Variants in TG observed in about 807,000 individuals in gnomAD.
The protein encoded by TG is thyroid hormones.
TG carries 270 observed loss-of-function variants against 324.7 expected under a neutral mutation model. The observed-to-expected ratio is 0.83, with a 90% confidence interval of 0.75 to 0.92. TG has a LOEUF of 0.92. Among genes scored for constraint, TG ranks in the 40% least tolerant of loss-of-function variants. The pLI, the probability that TG is intolerant of heterozygous loss-of-function variation, is 0.00. For missense variants in TG, 3,591 were observed against 3,456.4 expected, an observed-to-expected ratio of 1.04 and a Z score of -0.98; for synonymous variants, 1,401 against 1,327.0, an observed-to-expected ratio of 1.06 and a Z score of -1.21.
At chr8:132,990,078 C>T (rs754669615) in intron 35 of TG, among the ~76,000 whole-genome samples, 6 of 151,722 alleles carry the variant, frequency 4.0e-5, no homozygotes, top group Admixed American at 6.6e-5. Flanking sequence ...AAGTCCAAAC[C>T]GCTTTACAGA....
At chr8:133,091,851 CTGTG>C (rs2131609929) in intron 41 of TG, among the ~76,000 whole-genome samples, 1 of 151,836 alleles carries the variant, frequency 6.6e-6, no homozygotes, top group African/African-American at 2.4e-5. Context: ...CCATGAGTGT[CTGTG>C]TGTGTAAGTG....
chr8:133,126,896 G>T (rs1270629660), intron 45 of TG, among the ~76,000 whole-genome samples: 1 of 152,166 alleles, frequency 6.6e-6, no homozygotes, highest in Non-Finnish European at 1.5e-5. Flanking sequence ...TATGGAGAAA[G>T]ATGCTGGCTG....
At chr8:133,091,659 T>G (rs1847554282) in intron 41 of TG, among the ~76,000 whole-genome samples, 1 of 152,016 alleles carries the variant, frequency 6.6e-6, no homozygotes, top group African/African-American at 2.4e-5. Flanking sequence ...TATGTGTCTA[T>G]GACTGTGCGT....
Position 132,966,460 on chromosome 8 carries a change from C to CTG in TG, c.5549-99_5549-98insGT, listed in dbSNP as rs1403956194. On this transcript the variant is annotated intron_variant, in intron 29 of 47. Transcript: ENST00000220616. ...TCTCTGACACTTTCTCTCTCTGTCT[C>CTG]TCTCTCTGTGTGTGTGTGTGTGTGT... The CTG allele has an allele frequency of 1.7e-5, 19 of 1,117,934 alleles. No individual in the cohort carries two copies. In the Admixed American group the frequency reaches 3.4e-4, roughly 20 times the overall value. The allele number at this position is 1,117,934 out of a possible 1,614,324, so 69.3% of individuals were successfully genotyped here. A position where few individuals can be genotyped will look rare whatever the true frequency, so the allele number is the denominator to read the frequency against.
In TG at chr8:132,873,146, AG is replaced by A; in HGVS notation, c.564del (p.Glu188AspfsTer15). 6.2e-7 allele frequency: 1 copy of A among 1,614,004 alleles called. No individual in the cohort carries two copies. The highest frequency in any genetic ancestry group is 8.5e-7 in the Non-Finnish European group (1 of 1,180,016). On this transcript the variant is annotated frameshift_variant, in exon 5 of 48. Transcript: ENST00000220616. LOFTEE classifies it high-confidence loss of function. ...KSPPQCSAEG[E>X]FMPVQCKFVN... ...CCACCCCAGTGTTCTGCGGAGGGAG[AG>A]TTTATGCCTGTCCAGTGCAAATTTG...
At chr8:133,075,441 G>A (rs1036199132) in intron 41 of TG, among the ~76,000 whole-genome samples, 16 of 152,212 alleles carry the variant, frequency 1.1e-4, no homozygotes, top group Non-Finnish European at 2.9e-5. Context: ...TGGTGCCAAT[G>A]TGTGCGTCAA....
chr8:133,053,300 A>AC (rs1340363874), intron 41 of TG, among the ~76,000 whole-genome samples: 1 of 151,414 alleles, frequency 6.6e-6, no homozygotes, highest in African/African-American at 2.4e-5. Flanking sequence ...ATCTGTCCCC[A>AC]CCCCCGGCTG....
chr8:132,985,787 C>G (rs1831447343), intron 35 of TG, among the ~76,000 whole-genome samples: 1 of 152,158 alleles, frequency 6.6e-6, no homozygotes. Context: ...TTGTTCCTCT[C>G]TGCCAAGTCA....
At chr8:133,036,777 A>G (rs777828708) in intron 41 of TG, 4 of 152,662 alleles carry the variant, frequency 2.6e-5, no homozygotes, top group African/African-American at 7.2e-5. Flanking sequence ...GAATAAATAC[A>G]TGATTTAGCA....
chr8:133,134,118 A>G (rs565275252), intron 47 of TG, among the ~76,000 whole-genome samples: 1 of 152,340 alleles, frequency 6.6e-6, no homozygotes, highest in African/African-American at 2.4e-5. Context: ...AAAAGAAATT[A>G]TAATGAAGGC....
intron 5 of TG, among the ~76,000 whole-genome samples, chr8:132,877,123 C>A (rs1490787267): frequency 1.3e-5 from 2 of 151,936 alleles, no homozygotes; most frequent in African/African-American, 4.8e-5. Flanking sequence ...TAGGCTACGG[C>A]CCCCTCTTAT....
chr8:132,984,908 C>CAGCCTGG (rs1831327476), intron 35 of TG, among the ~76,000 whole-genome samples: 1 of 149,992 alleles, frequency 6.7e-6, no homozygotes, highest in Non-Finnish European at 1.5e-5. Flanking sequence ...CACTGTTCTC[C>CAGCCTGG]AGCCTGAGCA....
intron 36 of TG, among the ~76,000 whole-genome samples, chr8:133,012,568 G>T (rs1834616752): frequency 6.6e-6 from 1 of 152,214 alleles, no homozygotes; most frequent in Admixed American, 6.5e-5. Context: ...GTAACCACTT[G>T]ATGGGAATGT....
chr8:132,903,141 A>T (rs1818164949), intron 16 of TG, among the ~76,000 whole-genome samples: 1 of 152,216 alleles, frequency 6.6e-6, no homozygotes, highest in Non-Finnish European at 1.5e-5. Context: ...AAGGTCATTT[A>T]TTGGCCTTAT....
chr8:132,992,963 G>A lies in TG; in HGVS notation c.6262+9551G>A, dbSNP rs191260711. 2.6e-4 allele frequency among the ~76,000 whole-genome samples: 40 copies of A among 152,300 alleles called. No individual in the cohort carries two copies. The East Asian group carries it at 6.2e-3, about 23-fold the overall frequency. On this transcript the variant is annotated intron_variant, in intron 35 of 47. Coordinates refer to ENST00000220616, the MANE Select transcript of TG (RefSeq NM_003235.5). ...GGACTTTATCTGTCTCATTTACTGCGACTGTGGGAGTCCCAGCACCTGTGG... is the reference window on the plus strand; with the variant it reads ...GGACTTTATCTGTCTCATTTACTGCAACTGTGGGAGTCCCAGCACCTGTGG...
intron 35 of TG, among the ~76,000 whole-genome samples, chr8:133,010,509 CAG>C (rs1248053966): frequency 2.0e-5 from 3 of 152,178 alleles, no homozygotes; most frequent in Admixed American, 2.0e-4. Flanking sequence ...TACAGAGAGA[CAG>C]AGATTTTCTT....
In TG at chr8:132,886,570, A is replaced by C; in HGVS notation, c.1198A>C (p.Arg400=). 6.2e-7 allele frequency: 1 copy of C among 1,614,198 alleles called. No homozygotes were observed. Among genetic ancestry groups the C allele is most frequent in the Non-Finnish European group, 8.5e-7 (1 of 1,180,044 alleles). The change falls in exon 9 of 48, where the codon AGA becomes CGA. Residue 400 remains arginine, a synonymous_variant. Transcript: ENST00000220616. The part of the protein sequence containing the change: ...SSPEKRWASP[R]VARFATSCPP... ...CCCAGAGAAAAGATGGGCCTCTCCAAGAGTAGCCAGATTTGCCACATCCTG... is the reference window on the plus strand; with the variant it reads ...CCCAGAGAAAAGATGGGCCTCTCCACGAGTAGCCAGATTTGCCACATCCTG...
In TG at chr8:132,869,753, C is replaced by T; in HGVS notation, c.201C>T (p.Gly67=). Residue 67 remains glycine (G), a synonymous_variant, in exon 3 of 48, where the codon GGC becomes GGT. Transcript: ENST00000220616. ...GGACTGTCCAGTGCCAGAACGACGG[C>T]CGCTCCTGCTGGTGTGTGGGTGCCA... The part of the protein sequence containing the change: ...SFQTVQCQND[G]RSCWCVGANG... 6.2e-7 allele frequency: 1 copy of T among 1,614,170 alleles called. No individual in the cohort carries two copies. Among genetic ancestry groups the T allele is most frequent in the Non-Finnish European group, 8.5e-7 (1 of 1,180,032 alleles).
Position 132,868,158 on chromosome 8 carries a change from G to A in TG, c.111G>A (p.Gln37=). 2 of 1,614,178 alleles carry A rather than the reference G, an allele frequency of 1.2e-6. No homozygotes were observed. The highest frequency in any genetic ancestry group is 3.3e-5 in the Admixed American group (2 of 60,028). ...AGCCCCTTCGTCCCTGTGAGCTGCA[G>A]AGGGAAACGGCCTTTCTGAAGCAAG... ...DAQPLRPCEL[Q]RETAFLKQAD... The change falls in exon 2 of 48, where the codon CAG becomes CAA. Residue 37 remains glutamine (Q), a synonymous_variant. Coordinates refer to ENST00000220616, the MANE Select transcript of TG (RefSeq NM_003235.5).
Sources: gnomAD v4.1 joint callset for allele counts (sites outside exome capture counted in the v4.1 genomes callset) on GRCh38, gnomAD v4.1.1 for gene constraint, MANE v1.5 for transcripts, NCBI Gene and HGNC (gene_info 2026-07-23, HGNC 2026-07-21) for gene names.